CACNA1F: variants seen among roughly 807,000 people sequenced by gnomAD.
CACNA1F encodes the protein calcium voltage-gated channel subunit alpha1 F.
In CACNA1F, 59 loss-of-function variants were observed where a neutral mutation model predicts 143.8. The ratio of observed to expected loss-of-function variants is 0.41; its 90% CI spans 0.33 to 0.51. The LOEUF is 0.51. CACNA1F is among the 20% of genes least tolerant of loss of function. CACNA1F has a pLI of 0.22. For missense variants in CACNA1F, 1,411 were observed against 1,647.5 expected (o/e 0.86, Z 2.48); for synonymous variants, 643 against 649.1 (o/e 0.99, Z 0.14).
chrX:49,215,018 G>C, intron 29 of CACNA1F, 68 bp downstream of exon 29: 1 of 1,026,886 alleles, frequency 9.7e-7, no homozygotes, highest in Non-Finnish European at 1.4e-6. Flanking sequence ...GTTCCCAATG[G>C]TTCCCAAGGG....
At position 49,231,000 on chromosome X, in the gene CACNA1F, G is replaced by T; in HGVS notation, c.382-11C>A. 6 of 1,023,027 alleles carry T rather than the reference G, an allele frequency of 5.9e-6. No homozygotes were observed. Among genetic ancestry groups the T allele is most frequent in the South Asian group, 3.8e-5 (2 of 52,104 alleles). The allele number at this position is 1,023,027 out of a possible 1,213,427, so 84.3% of individuals were successfully genotyped here. On this transcript the variant is annotated splice_polypyrimidine_tract_variant and intron_variant, in intron 3 of 47. Transcript: ENST00000323022. ...GTACTCCACCTGCTCCTGGGGGTGG[G>T]ACCGGGGGGCGGGTCGGGAAGTCGA...
intron 42 of CACNA1F, 25 bp from the exon 43 acceptor site, chrX:49,208,709 GT>G: frequency 8.3e-7 from 1 of 1,198,027 alleles, no homozygotes; most frequent in East Asian, 3.0e-5. Context: ...AGGACTGAGT[GT>G]TGCATGCACT....
At chrX:49,228,487 A>T in intron 6 of CACNA1F, 40 bp from the exon 7 acceptor site, 2 of 1,085,802 alleles carry the variant, frequency 1.8e-6, no homozygotes, top group South Asian at 1.9e-5. Flanking sequence ...AAGCAGGCCC[A>T]CTCTCAGTCG....
chrX:49,205,665 G>C lies in CACNA1F; in HGVS notation c.5621C>G (p.Ser1874Trp). ...GCCCCTCTTCCCATGGCTGGGGTCC[G>C]AGTGGGTTCCAGGCACGTGCAGACA... ...FTCLHVPGTH[S>W]DPSHGKRGSA... The change falls in exon 47 of 48, where the codon TCG becomes TGG. Residue 1874 changes from serine (S) to tryptophan (W), a missense_variant. Around this residue, in one of 3 missense-constraint regions of CACNA1F, gnomAD observed 349 missense variants for 350.2 expected, o/e 1.00. Transcript: ENST00000323022. The C allele has an allele frequency of 1.7e-6, 2 of 1,204,983 alleles. No individual in the cohort carries two copies. The highest frequency in any genetic ancestry group is 2.2e-6 in the Non-Finnish European group (2 of 891,925).
At chrX:49,220,957 C>CA (rs782083294) in intron 18 of CACNA1F, 78 bp downstream of exon 18, 2 of 884,275 alleles carry the variant, frequency 2.3e-6, no homozygotes, top group Non-Finnish European at 3.3e-6. Flanking sequence ...ACAACAACAA[C>CA]AAAAAAACAG....
chrX:49,209,230 A>G (rs782114406), intron 42 of CACNA1F, 32 bp downstream of exon 42: 1 of 1,203,780 alleles, frequency 8.3e-7, no homozygotes, highest in South Asian at 1.8e-5. Context: ...TTTTACAATC[A>G]AGTTCCTGGG....
intron 6 of CACNA1F, among the ~76,000 whole-genome samples, chrX:49,229,105 A>T (rs781800492): frequency 2.7e-4 from 30 of 112,084 alleles, no homozygotes; most frequent in African/African-American, 9.7e-4. Context: ...AAATGGTCTG[A>T]GTGTATGAGA....
intron 43 of CACNA1F, among the ~76,000 whole-genome samples, chrX:49,208,197 C>CAAA (rs1182146690): frequency 4.2e-5 from 2 of 47,387 alleles, no homozygotes; most frequent in Admixed American, 2.7e-4. Context: ...GACTCTGTCT[C>CAAA]AAAAAAAAAA....
chrX:49,233,036 T>C (rs1220908119), intron 1 of CACNA1F, among the ~76,000 whole-genome samples: 2 of 109,790 alleles, frequency 1.8e-5, no homozygotes, highest in East Asian at 5.7e-4. Context: ...AGGATTGAGG[T>C]TGGGTTTCCT....
chrX:49,218,998 T>G, intron 21 of CACNA1F, 57 bp from the exon 22 acceptor site: 1 of 1,003,856 alleles, frequency 1.0e-6, no homozygotes, highest in Non-Finnish European at 1.4e-6. Flanking sequence ...GGATCCTAGG[T>G]GACTTCTCAA....
chrX:49,231,003 C>T lies in CACNA1F; in HGVS notation c.382-14G>A. ...CTCCACCTGCTCCTGGGGGTGGGAC[C>T]GGGGGGCGGGTCGGGAAGTCGAGGA... On this transcript the variant is annotated splice_polypyrimidine_tract_variant and intron_variant, in intron 3 of 47. Transcript: ENST00000323022. 1.9e-6 allele frequency: 1 copy of T among 515,524 alleles called. No homozygotes were observed. Among genetic ancestry groups the T allele is most frequent in the Non-Finnish European group, 2.8e-6 (1 of 356,820 alleles). The allele number at this position is 515,524 out of a possible 1,213,427, so 42.5% of individuals were successfully genotyped here.
rs2065696313 is a variant in CACNA1F, at chrX:49,215,021, C to T, written c.3597+65G>A. 2.9e-6 allele frequency: 3 copies of T among 1,042,843 alleles called. No homozygotes were observed. The South Asian group carries it at 5.7e-5, about 20-fold the overall frequency. The allele number at this position is 1,042,843 out of a possible 1,213,427, so 85.9% of individuals were successfully genotyped here. On this transcript the variant is annotated intron_variant, in intron 29 of 47. Transcript: ENST00000323022. Reference sequence around the variant, plus strand: ...GCAGCCTTAAATGTTCCCAATGGTTCCCAAGGGATTATGTGGAGATAATAG... The same window carrying T: ...GCAGCCTTAAATGTTCCCAATGGTTTCCAAGGGATTATGTGGAGATAATAG...
intron 37 of CACNA1F, 72 bp downstream of exon 37, chrX:49,210,893 T>G: frequency 1.8e-6 from 2 of 1,093,685 alleles, no homozygotes; most frequent in Non-Finnish European, 2.5e-6. Flanking sequence ...CAGTCGGAGG[T>G]TTGGGGGCTA....
In CACNA1F at chrX:49,227,107, T is replaced by G. The variant is rs782231472; in HGVS notation, c.1139A>C (p.Glu380Ala). 2.5e-6 allele frequency: 3 copies of G among 1,185,327 alleles called. No homozygotes were observed. Among genetic ancestry groups the G allele is most frequent in the South Asian group, 3.7e-5 (2 of 54,068 alleles). Residue 380 changes from glutamate (E) to alanine (A), a missense_variant, in exon 9 of 48, where the codon GAG (glutamate) becomes GCG (alanine). By Grantham distance (107) the Glu-to-Ala change is moderately radical. Transcript: ENST00000323022. The part of the protein sequence containing the change: ...VLSGEFSKER[E>A]KAKARGDFQK... ...GAAGTCCCCGCGAGCTTTCGCTTTC[T>G]CTCTCTCCTTGGAGAACTCCCTGAG...
intron 21 of CACNA1F, 64 bp from the exon 22 acceptor site, chrX:49,219,005 T>C (rs2065748032): frequency 1.0e-6 from 1 of 957,811 alleles, no homozygotes; most frequent in African/African-American, 1.9e-5. Flanking sequence ...AGGTGACTTC[T>C]CAAAAGGCTT....
chrX:49,211,928 G>A lies in CACNA1F; in HGVS notation c.4070C>T (p.Thr1357Ile). Residue 1357 changes from threonine (T) to isoleucine (I), a missense_variant, in exon 35 of 48, where the codon ACC becomes ATC. Thr to Ile is a moderately conservative substitution (Grantham distance 89). Around this residue, in one of 3 missense-constraint regions of CACNA1F, gnomAD observed 112 missense variants for 169.2 expected, o/e 0.66. Transcript: ENST00000323022. ...CAGAAGCAGCACAGCCTGTGGAAAGGTCTGGAAGTTGTTGTTTCGGTTTAT... is the reference window on the plus strand; with the variant it reads ...CAGAAGCAGCACAGCCTGTGGAAAGATCTGGAAGTTGTTGTTTCGGTTTAT... The part of the protein sequence containing the change: ...TQINRNNNFQ[T>I]FPQAVLLLFR... 1 of 1,211,167 alleles carries A rather than the reference G, an allele frequency of 8.3e-7. No homozygotes were observed. The highest frequency in any genetic ancestry group is 1.1e-6 in the Non-Finnish European group (1 of 894,854).
intron 14 of CACNA1F, among the ~76,000 whole-genome samples, chrX:49,223,643 G>A (rs2065795973): frequency 9.8e-6 from 1 of 102,076 alleles, no homozygotes; most frequent in South Asian, 4.5e-4. Context: ...AAGAGGTAGG[G>A]GAAAGTTGAG....
chrX:49,205,881 C>T (rs1003302887), intron 46 of CACNA1F, 68 bp from the exon 47 acceptor site: 2 of 934,012 alleles, frequency 2.1e-6, no homozygotes, highest in Non-Finnish European at 3.0e-6. Context: ...GGACTCACCG[C>T]TGTGCCTACT....
intron 32 of CACNA1F, 79 bp from the exon 33 acceptor site, chrX:49,212,874 A>C (rs1178633972): frequency 5.1e-6 from 6 of 1,172,615 alleles, no homozygotes; most frequent in African/African-American, 1.8e-5. Flanking sequence ...TGGCCCTCCC[A>C]GTACCCAAAT....
Sources: gnomAD v4.1 joint callset for allele counts (sites outside exome capture counted in the v4.1 genomes callset) on GRCh38, gnomAD v4.1.1 for gene constraint, gnomAD v4.1.1 regional missense constraint, MANE v1.5 for transcripts, NCBI Gene and HGNC (gene_info 2026-07-23, HGNC 2026-07-21) for gene names.